Variants in CSMD3 observed in about 807,000 individuals in gnomAD.
The protein encoded by CSMD3 is CUB and sushi domain-containing protein 3.
In CSMD3, 177 loss-of-function variants were observed where a neutral mutation model predicts 435.2. That is an observed-to-expected ratio of 0.41 (90% CI 0.36 to 0.46). The LOEUF is 0.46. Among genes scored for constraint, CSMD3 ranks in the 20% least tolerant of loss-of-function variants. The pLI, the probability that CSMD3 is intolerant of heterozygous loss-of-function variation, is 0.34. For synonymous variants in CSMD3, 1,656 were observed against 1,520.5 expected (o/e 1.09, Z -2.07); for missense variants, 4,265 against 4,504.6 (o/e 0.95, Z 1.52).
Position 112,297,391 on chromosome 8 carries a change from G to A in CSMD3, c.8441-1385C>T, listed in dbSNP as rs1820415645. 2.0e-5 allele frequency among the ~76,000 whole-genome samples: 3 copies of A among 151,802 alleles called. No individual in the cohort carries two copies. In the South Asian group the frequency reaches 6.2e-4, roughly 31 times the overall value. ...TGACATATAAATGATAATACATCATGATTATCTGGGATTTATCCAGAAATG... is the reference window on the plus strand; with the variant it reads ...TGACATATAAATGATAATACATCATAATTATCTGGGATTTATCCAGAAATG... On this transcript the variant is annotated intron_variant, in intron 53 of 70. Transcript: ENST00000297405.
intron 9 of CSMD3, among the ~76,000 whole-genome samples, chr8:112,943,544 T>C (rs957998161): frequency 1.3e-5 from 2 of 151,646 alleles, no homozygotes; most frequent in African/African-American, 4.8e-5. Context: ...TCCTTTGAGA[T>C]AAAAAGGGCC....
chr8:112,785,439 G>A (rs1274964965), intron 13 of CSMD3, among the ~76,000 whole-genome samples: 1 of 151,926 alleles, frequency 6.6e-6, no homozygotes, highest in Non-Finnish European at 1.5e-5. Context: ...GAAATAAAGG[G>A]CATCCAAGTT....
chr8:112,498,549 C>T, intron 30 of CSMD3, among the ~76,000 whole-genome samples: 1 of 151,992 alleles, frequency 6.6e-6, no homozygotes, highest in East Asian at 1.9e-4. Flanking sequence ...GACCAGTTTC[C>T]ATGAGAAATA....
chr8:112,524,277 G>T (rs1016955087), intron 27 of CSMD3, among the ~76,000 whole-genome samples: 3 of 150,982 alleles, frequency 2.0e-5, no homozygotes, highest in Non-Finnish European at 4.4e-5. Flanking sequence ...AAAGATTACA[G>T]AAAATATGAG....
At chr8:112,427,204 T>C (rs560945631) in intron 32 of CSMD3, among the ~76,000 whole-genome samples, 5 of 152,180 alleles carry the variant, frequency 3.3e-5, no homozygotes, top group Non-Finnish European at 7.4e-5. Context: ...ACTAAACTCA[T>C]CTTTGTCTCC....
chr8:113,309,435 C>T (rs1295663391), intron 2 of CSMD3: 1 of 152,092 alleles, frequency 6.6e-6, no homozygotes, highest in Non-Finnish European at 1.5e-5. Flanking sequence ...TCTTTATGTC[C>T]ATGAGTACCC....
chr8:113,360,570 C>CTTTT (rs35009987), intron 1 of CSMD3, among the ~76,000 whole-genome samples: 65 of 88,938 alleles, frequency 7.3e-4, no homozygotes, highest in African/African-American at 2.5e-3. Flanking sequence ...TGACTTCAGT[C>CTTTT]TTTTTTTTTT....
intron 16 of CSMD3, among the ~76,000 whole-genome samples, chr8:112,678,547 A>G (rs946304688): frequency 2.0e-5 from 3 of 152,186 alleles, no homozygotes; most frequent in Non-Finnish European, 4.4e-5. Context: ...TATAATTAAG[A>G]AAGAAAGCCA....
intron 14 of CSMD3, among the ~76,000 whole-genome samples, chr8:112,688,242 C>T (rs1431586742): frequency 6.6e-6 from 1 of 152,158 alleles, no homozygotes; most frequent in Admixed American, 6.6e-5. Flanking sequence ...CAAAGACACA[C>T]TTTAATGGCC....
chr8:113,221,144 A>G (rs1364283162), intron 3 of CSMD3, among the ~76,000 whole-genome samples: 1 of 151,336 alleles, frequency 6.6e-6, no homozygotes, highest in Non-Finnish European at 1.5e-5. Context: ...AAAAATGCAA[A>G]GAAGGGCATT....
At chr8:112,403,959 A>C (rs748016287) in intron 35 of CSMD3, among the ~76,000 whole-genome samples, 3 of 152,200 alleles carry the variant, frequency 2.0e-5, no homozygotes, top group African/African-American at 4.8e-5. Flanking sequence ...AAATAACAGA[A>C]TAATACAAGA....
At chr8:112,961,020 C>T (rs760891489) in intron 7 of CSMD3, among the ~76,000 whole-genome samples, 4 of 151,658 alleles carry the variant, frequency 2.6e-5, no homozygotes, top group Admixed American at 2.0e-4. Context: ...GTATGTGATG[C>T]TCAATTTTTA....
intron 30 of CSMD3, among the ~76,000 whole-genome samples, chr8:112,498,695 T>C (rs1411341325): frequency 1.3e-5 from 2 of 152,096 alleles, no homozygotes; most frequent in Non-Finnish European, 2.9e-5. Context: ...CTCTACAGAT[T>C]TGTTAAAAGG....
chr8:112,652,056 A>T (rs533745006), intron 18 of CSMD3, among the ~76,000 whole-genome samples: 1 of 152,268 alleles, frequency 6.6e-6, no homozygotes, highest in South Asian at 2.1e-4. Context: ...AAAATGTTGG[A>T]CATACGTATA....
At chr8:112,875,183 G>C (rs914659277) in intron 10 of CSMD3, among the ~76,000 whole-genome samples, 1 of 152,060 alleles carries the variant, frequency 6.6e-6, no homozygotes. Flanking sequence ...ATGATGCTTA[G>C]TTTGGCTGGA....
At chr8:113,232,876 A>C (rs918648804) in intron 3 of CSMD3, among the ~76,000 whole-genome samples, 32 of 151,806 alleles carry the variant, frequency 2.1e-4, no homozygotes, top group African/African-American at 7.7e-4. Context: ...ATGTGTTTTC[A>C]ACTGCGACAG....
rs751878922 is a variant in CSMD3, at chr8:112,947,865, C to T, written c.1433G>A (p.Gly478Asp). 3 of 1,477,258 alleles carry T rather than the reference C, an allele frequency of 2.0e-6. No homozygotes were observed. Among genetic ancestry groups the T allele is most frequent in the Admixed American group, 3.4e-5 (2 of 59,492 alleles). 91.5% of individuals were successfully genotyped at this position (1,477,258 alleles called of 1,614,324 possible). A position where few individuals can be genotyped will look rare whatever the true frequency, so the allele number is the denominator to read the frequency against. ...SNKFSILNEG[G>D]IKTASNLCPD... Reference sequence around the variant, plus strand: ...GCATAAATTGGAAGCTGTTTTAATACCTCCCTCATTTACTGCAACAGCAGG... The same window carrying T: ...GCATAAATTGGAAGCTGTTTTAATATCTCCCTCATTTACTGCAACAGCAGG... Residue 478 changes from glycine to aspartate, a missense_variant, in exon 9 of 71, where the codon GGT becomes GAT. By Grantham distance (94) the Gly-to-Asp change is moderately conservative (BLOSUM62 -1). Around this residue, in one of 3 missense-constraint regions of CSMD3, gnomAD observed 731 missense variants for 755.4 expected, o/e 0.97. Coordinates refer to ENST00000297405, the MANE Select transcript of CSMD3 (RefSeq NM_198123.2).
intron 3 of CSMD3, among the ~76,000 whole-genome samples, chr8:113,234,031 A>G (rs1331765225): frequency 6.6e-6 from 1 of 152,126 alleles, no homozygotes; most frequent in Non-Finnish European, 1.5e-5. Context: ...GCACAAGCAC[A>G]CATTCCCTTT....
At chr8:112,361,592 T>G (rs369647645) in intron 38 of CSMD3, among the ~76,000 whole-genome samples, 1 of 118,338 alleles carries the variant, frequency 8.5e-6, no homozygotes, top group Non-Finnish European at 1.8e-5. Flanking sequence ...TATATATATA[T>G]ATATATATAT....
Sources: gnomAD v4.1 joint callset for allele counts (sites outside exome capture counted in the v4.1 genomes callset) on GRCh38, gnomAD v4.1.1 for gene constraint, gnomAD v4.1.1 regional missense constraint, MANE v1.5 for transcripts, NCBI Gene and HGNC (gene_info 2026-07-23, HGNC 2026-07-21) for gene names.